The following TPR variants were observed in gnomAD, a reference collection of about 807,000 sequenced individuals.
TPR encodes translocated promoter region, nuclear basket protein.
A neutral mutation model predicts 316.1 loss-of-function variants in TPR; 51 were observed. The ratio of observed to expected loss-of-function variants is 0.16; its 90% confidence interval spans 0.13 to 0.20. The LOEUF is 0.20. Among genes scored for constraint, TPR ranks in the 10% least tolerant of loss-of-function variants. The pLI is 1.00. For missense variants in TPR, 2,272 were observed against 2,754.8 expected (o/e 0.82, Z 3.92); for synonymous variants, 981 against 914.7 (o/e 1.07, Z -1.31).
At position 186,360,771 on chromosome 1, in the gene TPR, G is replaced by A. The variant is rs761030353; in HGVS notation, c.1093C>T (p.Arg365Cys). The A allele has an allele frequency of 1.2e-5, 19 of 1,612,582 alleles. No homozygotes were observed. The East Asian group carries it at 3.1e-4, about 27-fold the overall frequency. ...NANDLLSATK[R>C]KGAILSEEEL... ...AAGCATCTATTAGCCATACCTTTACGTTTTGTGGCAGAAAGAAGGTCATTT... is the reference window on the plus strand; with the variant it reads ...AAGCATCTATTAGCCATACCTTTACATTTTGTGGCAGAAAGAAGGTCATTT... Residue 365 changes from arginine (R) to cysteine (C), a missense_variant, in exon 10 of 51, where the codon CGT becomes TGT. Coordinates refer to ENST00000367478, the MANE Select transcript of TPR (RefSeq NM_003292.3).
intron 27 of TPR, 156 bp downstream of exon 27, chr1:186,343,170 A>G: frequency 2.1e-6 from 2 of 958,642 alleles, no homozygotes; most frequent in East Asian, 5.4e-5. Context: ...TTTAAGCACT[A>G]TACTATATTA....
Position 186,350,376 on chromosome 1 carries a change from C to T in TPR, c.2623G>A (p.Asp875Asn). The T allele has an allele frequency of 6.3e-7, 1 of 1,598,332 alleles. No homozygotes were observed. Among genetic ancestry groups the T allele is most frequent in the Non-Finnish European group, 8.5e-7 (1 of 1,172,700 alleles). The stretch of plus-strand genomic sequence containing the variant: ...TCTGTATCCAGTTGTCTCTTTGTAT[C>T]TAAAAGTTGAACCTATAAAATACAT... ...LTRNLDVQLLDTKRQLDTETN... is the reference protein window; with the variant it reads ...LTRNLDVQLLNTKRQLDTETN... The change falls in exon 21 of 51, where the codon GAT (aspartate) becomes AAT (asparagine). Residue 875 changes from aspartate (D) to asparagine (N), a missense_variant. This residue lies in a region of TPR where 757 missense variants were observed against 859.8 expected (regional missense o/e 0.88). Transcript: ENST00000367478.
chr1:186,328,962 A>C (rs1658076818), intron 39 of TPR, among the ~76,000 whole-genome samples: 1 of 152,222 alleles, frequency 6.6e-6, no homozygotes, highest in Admixed American at 6.6e-5. Flanking sequence ...GACATTCATA[A>C]AAAATTACAT....
chr1:186,315,089 G>A (rs2102045801), intron 49 of TPR, among the ~76,000 whole-genome samples: 1 of 151,852 alleles, frequency 6.6e-6, no homozygotes, highest in South Asian at 2.1e-4. Context: ...GATCACTTGA[G>A]CCCGGGTGAG....
At chr1:186,318,855 A>C (rs1156404716) in intron 46 of TPR, 27 bp from the exon 47 acceptor site, 3 of 1,600,674 alleles carry the variant, frequency 1.9e-6, no homozygotes, top group African/African-American at 2.7e-5. Flanking sequence ...ATATTAATGA[A>C]TGACTGAAAA....
chr1:186,362,788 A>C (rs1459209970), intron 6 of TPR, 49 bp downstream of exon 6: 3 of 1,473,144 alleles, frequency 2.0e-6, no homozygotes, highest in Non-Finnish European at 2.8e-6. Context: ...CTGACATACA[A>C]ATGTAAGTTA....
chr1:186,322,673 C>T (rs535903729), intron 43 of TPR, 87 bp from the exon 44 acceptor site: 249 of 1,318,210 alleles, frequency 1.9e-4, no homozygotes, highest in Non-Finnish European at 2.5e-4. Flanking sequence ...CAGCTTATTA[C>T]GCTGCCAACA....
At position 186,333,686 on chromosome 1, in the gene TPR, G is replaced by C. The variant is rs577723936; in HGVS notation, c.5183-292C>G. 2.7e-4 allele frequency among the ~76,000 whole-genome samples: 41 copies of C among 152,198 alleles called. No individual in the cohort carries two copies. In the East Asian group the frequency reaches 7.1e-3, roughly 27 times the overall value. On this transcript the variant is annotated intron_variant, in intron 36 of 50. Coordinates refer to ENST00000367478, the MANE Select transcript of TPR (RefSeq NM_003292.3). ...TGAAATTAAGCTCAAAGTAAAATTA[G>C]AATTTTTCATTAAGCATCATTTAGT... is the stretch of plus-strand genomic sequence containing the variant.
intron 25 of TPR, 118 bp downstream of exon 25, chr1:186,344,257 C>T (rs377242595): frequency 2.5e-5 from 34 of 1,367,310 alleles, no homozygotes; most frequent in Non-Finnish European, 3.2e-5. Flanking sequence ...CCCAATATCA[C>T]GCCATTGCAC....
At chr1:186,370,301 C>T (rs978169261) in intron 3 of TPR, among the ~76,000 whole-genome samples, 4 of 152,044 alleles carry the variant, frequency 2.6e-5, no homozygotes, top group Non-Finnish European at 5.9e-5. Context: ...ATTTGGAAAA[C>T]ATTTCCATCC....
At chr1:186,327,174 T>A (rs367704602) in intron 40 of TPR, among the ~76,000 whole-genome samples, 21 of 194 alleles carry the variant, frequency 0.11, 3 homozygotes, top group Non-Finnish European at 0.21. Context: ...ACATATATAT[T>A]ATATATATAA....
At chr1:186,322,167 T>C (rs1394081219) in intron 45 of TPR, 151 bp downstream of exon 45, 3 of 680,836 alleles carry the variant, frequency 4.4e-6, no homozygotes, top group East Asian at 2.9e-5. Context: ...TCCCCAACAA[T>C]ACATCCTCAA....
chr1:186,350,984 A>G (rs866814432), intron 20 of TPR, among the ~76,000 whole-genome samples: 1 of 152,220 alleles, frequency 6.6e-6, no homozygotes, highest in Non-Finnish European at 1.5e-5. Context: ...AATACTCATG[A>G]AAGTATTGGC....
At chr1:186,364,816 A>G (rs1022840766) in intron 4 of TPR, among the ~76,000 whole-genome samples, 2 of 152,176 alleles carry the variant, frequency 1.3e-5, no homozygotes, top group Non-Finnish European at 2.9e-5. Context: ...CAATGCCACA[A>G]AAGATATTTA....
At chr1:186,348,193 C>CAAA (rs1658739354) in intron 21 of TPR, among the ~76,000 whole-genome samples, 2 of 152,116 alleles carry the variant, frequency 1.3e-5, no homozygotes, top group African/African-American at 4.8e-5. Flanking sequence ...TCGCTAAATT[C>CAAA]TTTTCCTAGC....
rs774989116 is a variant in TPR, at chr1:186,357,468, T to C, written c.1653A>G (p.Gln551=). The C allele has an allele frequency of 5.6e-6, 9 of 1,614,112 alleles. No individual in the cohort carries two copies. Among genetic ancestry groups the C allele is most frequent in the African/African-American group, 1.3e-5 (1 of 75,010 alleles). Residue 551 remains glutamine (Q), a synonymous_variant, in exon 14 of 51, where the codon CAA becomes CAG. Transcript: ENST00000367478. The part of the protein sequence containing the change: ...RNIEELQQQN[Q]RLLVALRELG... ...GCTCTCTAAGGGCCACTAAGAGACG[T>C]TGATTTTGTTGTTGAAGCTCTTCAA...
chr1:186,326,470 A>T (rs1032110903), intron 40 of TPR, among the ~76,000 whole-genome samples: 3 of 152,148 alleles, frequency 2.0e-5, no homozygotes, highest in Non-Finnish European at 4.4e-5. Flanking sequence ...GATTGCTCAA[A>T]GATAATATAG....
At chr1:186,323,588 A>T (rs2273774) in intron 43 of TPR, 98 bp downstream of exon 43, 126,012 of 1,210,154 alleles carry the variant, frequency 0.1, 8,608 homozygotes, top group East Asian at 0.4. Flanking sequence ...TTGCTAATTT[A>T]AAAAAACCAA....
Position 186,312,251 on chromosome 1 carries a change from T to C in TPR, c.*1720A>G, listed in dbSNP as rs902185020. 1.9e-6 allele frequency: 3 copies of C among 1,613,950 alleles called. No homozygotes were observed. Among genetic ancestry groups the C allele is most frequent in the African/African-American group, 2.7e-5 (2 of 74,916 alleles). ...CTGGAAGAAGGCCTGCTCTAAATTA[T>C]CCAGTGTATGGAGAAACGACACAGG... On this transcript the variant is annotated 3_prime_UTR_variant, in exon 51 of 51. Coordinates refer to ENST00000367478, the MANE Select transcript of TPR (RefSeq NM_003292.3).
Sources: gnomAD v4.1 joint callset for allele counts (sites outside exome capture counted in the v4.1 genomes callset) on GRCh38, gnomAD v4.1.1 for gene constraint, gnomAD v4.1.1 regional missense constraint, MANE v1.5 for transcripts, NCBI Gene and HGNC (gene_info 2026-07-23, HGNC 2026-07-21) for gene names.